CUX1: variants seen among roughly 807,000 people sequenced by gnomAD.
CUX1 encodes cut like homeobox 1, also known as protein CASP.
A neutral mutation model predicts 158.8 loss-of-function variants in CUX1; 31 were observed. That is an observed-to-expected ratio of 0.20 (90% CI 0.15 to 0.26). The LOEUF (loss-of-function observed/expected upper bound fraction) is 0.26, where lower values mean the gene tolerates loss of function less well. Ranked by LOEUF, CUX1 falls within the 10% of genes least tolerant of loss-of-function variation. The probability of loss-of-function intolerance (pLI) is 1.00; values close to 1 mark genes in which losing one functional copy is unlikely to be tolerated. For missense variants in CUX1, 1,589 were observed against 2,014.6 expected, an observed-to-expected ratio of 0.79 and a Z score of 4.04; for synonymous variants, 879 against 862.1, an observed-to-expected ratio of 1.02 and a Z score of -0.34.
intron 6 of CUX1, among the ~76,000 whole-genome samples, chr7:102,108,222 A>G (rs1360112620): frequency 2.0e-5 from 3 of 152,242 alleles, no homozygotes; most frequent in African/African-American, 7.2e-5. Flanking sequence ...ATATAATATG[A>G]AGTCAAAACA....
At chr7:102,054,700 G>T (rs12112504) in intron 3 of CUX1, among the ~76,000 whole-genome samples, 10,486 of 152,130 alleles carry the variant, frequency 0.069, 560 homozygotes, top group African/African-American at 0.15. Context: ...AGGCACAGGG[G>T]CTCTTGTCTG....
At chr7:102,280,920 A>T (rs1792016953) in intron 20 of CUX1, 2 of 1,492,426 alleles carry the variant, frequency 1.3e-6, no homozygotes, top group Admixed American at 3.4e-5. Context: ...GTCTCCAGGC[A>T]CCTCTTCACC....
chr7:102,235,575 G>C (rs1366642597), intron 22 of CUX1, among the ~76,000 whole-genome samples: 1 of 151,926 alleles, frequency 6.6e-6, no homozygotes, highest in Non-Finnish European at 1.5e-5. Context: ...GGTGGCGCAC[G>C]CCCGTAATCC....
intron 5 of CUX1, among the ~76,000 whole-genome samples, chr7:102,099,478 T>TG (rs1194125264): frequency 4.0e-5 from 6 of 149,158 alleles, no homozygotes; most frequent in Admixed American, 6.7e-5. Context: ...TATCCTGGTT[T>TG]TTTTTTTTTT....
chr7:101,958,967 A>G (rs1013855180), intron 2 of CUX1, among the ~76,000 whole-genome samples: 1 of 137,322 alleles, frequency 7.3e-6, no homozygotes, highest in Non-Finnish European at 1.5e-5. Flanking sequence ...CAATCCTCCC[A>G]CCTCAGCCCT....
chr7:102,133,972 A>C (rs1554498103), intron 8 of CUX1, among the ~76,000 whole-genome samples: 1 of 152,108 alleles, frequency 6.6e-6, no homozygotes. Context: ...TCAAAATGTC[A>C]GTGGTTCTTA....
intron 2 of CUX1, among the ~76,000 whole-genome samples, chr7:101,994,489 T>C (rs1815561055): frequency 1.3e-5 from 2 of 152,128 alleles, no homozygotes; most frequent in Non-Finnish European, 2.9e-5. Context: ...TAATCCCAGC[T>C]ACTCGGGAGG....
intron 3 of CUX1, among the ~76,000 whole-genome samples, chr7:102,038,273 G>A (rs1821680384): frequency 6.6e-6 from 1 of 152,284 alleles, no homozygotes; most frequent in South Asian, 2.1e-4. Context: ...GTTGTATGTG[G>A]GGTAACCTTG....
At chr7:101,877,277 G>T (rs1448045513) in intron 1 of CUX1, among the ~76,000 whole-genome samples, 2 of 152,184 alleles carry the variant, frequency 1.3e-5, no homozygotes, top group South Asian at 2.1e-4. Flanking sequence ...ATTTTTTGGT[G>T]TGTATCCTTC....
In CUX1 at chr7:101,869,695, GAC is replaced by G. The variant is rs1333897637; in HGVS notation, c.31-46415_31-46414del. Among the ~76,000 whole-genome samples the G allele has an allele frequency of 9.2e-5, 14 of 152,252 alleles. No homozygotes were observed. In the East Asian group the frequency reaches 2.5e-3, roughly 27 times the overall value. ...CTCAGGACACCATGGAAGACGGCAG[GAC>G]ACACGTGCGAGCCACAGCAGGTGGG... On this transcript the variant is annotated intron_variant, in intron 1 of 23. Transcript: ENST00000292535. This position sits in a 1 kb window ranked among gnomAD's most constrained non-coding sequence, Gnocchi z 4.5.
chr7:102,024,557 C>G (rs940884551), intron 2 of CUX1, among the ~76,000 whole-genome samples: 1 of 152,134 alleles, frequency 6.6e-6, no homozygotes, highest in Non-Finnish European at 1.5e-5. Flanking sequence ...AAACTCCTGA[C>G]CTCAGGTGAT....
chr7:101,824,245 C>A (rs143925666), intron 1 of CUX1: 1 of 152,212 alleles, frequency 6.6e-6, no homozygotes. Context: ...TGCACCACCA[C>A]GCCCAGCTAA....
At position 101,827,254 on chromosome 7, in the gene CUX1, T is replaced by G. The variant is rs563018590; in HGVS notation, c.30+9585T>G. Among the ~76,000 whole-genome samples, 28 of 117,258 alleles carry G rather than the reference T, an allele frequency of 2.4e-4. 1 individual carries two copies. Among genetic ancestry groups the G allele is most frequent in the African/African-American group, 8.3e-4 (27 of 32,680 alleles). The allele number at this position is 117,258 out of a possible 152,430, so 76.9% of individuals were successfully genotyped here. A position where few individuals can be genotyped will look rare whatever the true frequency, so the allele number is the denominator to read the frequency against. ...TTTCTCCCCTCCCCTCCTTCTCTTC[T>G]CTTCTCTTCTCTTCTCTTCTCTTCT... On this transcript the variant is annotated intron_variant, in intron 1 of 23. Transcript: ENST00000292535.
rs1746845512 is a variant in CUX1 at position 102,103,100 on chromosome 7, C to T, written c.407-1236C>T. Among the ~76,000 whole-genome samples the T allele has an allele frequency of 2.0e-5, 3 of 152,276 alleles. No homozygotes were observed. In the South Asian group the frequency reaches 6.2e-4, roughly 32 times the overall value. ...CTGGACCTGCGCTTTCCCAAGACAG[C>T]CCTGCCTCCCAAGGGGCCCCTCGCT... On this transcript the variant is annotated intron_variant, in intron 5 of 23. Coordinates refer to ENST00000292535, the MANE Select transcript of CUX1 (RefSeq NM_181552.4).
intron 13 of CUX1, among the ~76,000 whole-genome samples, chr7:102,194,850 CTA>C (rs72425351): frequency 0.025 from 3,744 of 151,872 alleles, 145 homozygotes; most frequent in African/African-American, 0.086. Context: ...TGGTGAAACC[CTA>C]TCTCTGCCAA....
chr7:101,831,899 G>T (rs1341893557), intron 1 of CUX1, among the ~76,000 whole-genome samples: 1 of 151,630 alleles, frequency 6.6e-6, no homozygotes, highest in African/African-American at 2.4e-5. Context: ...GCGCCACCAT[G>T]CCAGGCTAAC....
At chr7:101,928,724 G>A (rs1217289508) in intron 2 of CUX1, among the ~76,000 whole-genome samples, 1 of 146,530 alleles carries the variant, frequency 6.8e-6, no homozygotes, top group East Asian at 2.1e-4. Context: ...AGGCTGGAGT[G>A]CAGGGGCGCG....
At position 102,030,488 on chromosome 7, in the gene CUX1, T is replaced by C. The variant is rs372090107; in HGVS notation, c.189+2343T>C. Among the ~76,000 whole-genome samples, 6 of 152,032 alleles carry C rather than the reference T, an allele frequency of 3.9e-5. 1 individual carries two copies. The highest frequency in any genetic ancestry group is 2.0e-4 in the Admixed American group (3 of 15,240). On this transcript the variant is annotated intron_variant, in intron 3 of 23. Transcript: ENST00000292535. ...CGAAGTTAAGGAATTATTAGCATTC[T>C]CCTACATTACCACAATAACCACAAA...
At chr7:101,883,721 G>C (rs1387980459) in intron 1 of CUX1, among the ~76,000 whole-genome samples, 8 of 151,744 alleles carry the variant, frequency 5.3e-5, no homozygotes, top group Non-Finnish European at 1.2e-4. Flanking sequence ...TCAGCTTCCG[G>C]AGTAGCTGGG....
Sources: allele counts gnomAD v4.1 joint callset (sites outside exome capture counted in the v4.1 genomes callset), GRCh38; gene constraint gnomAD v4.1.1; non-coding constraint Gnocchi (gnomAD v3.1); transcripts MANE v1.5; gene names NCBI Gene and HGNC (gene_info 2026-07-23, HGNC 2026-07-21).